The following OPCML variants were observed in gnomAD, a reference collection of about 807,000 sequenced individuals.
OPCML encodes the protein opioid binding protein/cell adhesion molecule like, also known as opioid-binding protein/cell adhesion molecule.
In OPCML, 13 loss-of-function variants were observed where a neutral mutation model predicts 37.8. That is an observed-to-expected ratio of 0.34 (90% CI 0.22 to 0.55). The LOEUF (loss-of-function observed/expected upper bound fraction) is 0.55, where lower values mean the gene tolerates loss of function less well. OPCML is among the 20% of genes least tolerant of loss of function. The pLI, the probability that OPCML is intolerant of heterozygous loss-of-function variation, is 0.91. For synonymous variants in OPCML, 176 were observed against 168.8 expected, an observed-to-expected ratio of 1.04 and a Z score of -0.33; for missense variants, 341 against 435.6, an observed-to-expected ratio of 0.78 and a Z score of 1.93.
At chr11:132,900,904 T>C (rs914623661) in intron 2 of OPCML, among the ~76,000 whole-genome samples, 10 of 152,214 alleles carry the variant, frequency 6.6e-5, no homozygotes, top group South Asian at 2.1e-4. Flanking sequence ...TTAAAGTCTA[T>C]CTCCGGGGCC....
intron 1 of OPCML, among the ~76,000 whole-genome samples, chr11:133,456,780 CAA>C (rs34351764): frequency 3.3e-5 from 4 of 122,248 alleles, no homozygotes; most frequent in Admixed American, 1.7e-4. Context: ...CCAATCAGAC[CAA>C]AAAAAAAAAA....
chr11:132,820,519 T>C (rs187238164), intron 2 of OPCML, among the ~76,000 whole-genome samples: 18 of 152,298 alleles, frequency 1.2e-4, no homozygotes, highest in Non-Finnish European at 2.2e-4. Context: ...TGTGTGTGTG[T>C]GTGTGTATTC....
chr11:132,963,597 A>G (rs986856546), intron 1 of OPCML, among the ~76,000 whole-genome samples: 4 of 151,828 alleles, frequency 2.6e-5, no homozygotes, highest in African/African-American at 9.7e-5. Flanking sequence ...TCTCAAAAAA[A>G]AAAAAAAAAA....
At chr11:132,922,506 C>A (rs1944841176) in intron 2 of OPCML, among the ~76,000 whole-genome samples, 1 of 151,952 alleles carries the variant, frequency 6.6e-6, no homozygotes, top group Non-Finnish European at 1.5e-5. Context: ...ACCAGGAGAC[C>A]CCGAGGAAAG....
At chr11:132,837,538 G>A (rs1428925210) in intron 2 of OPCML, among the ~76,000 whole-genome samples, 2 of 152,140 alleles carry the variant, frequency 1.3e-5, no homozygotes, top group African/African-American at 2.4e-5. Context: ...CCTGCTCCTC[G>A]AGGAATGCAC....
At chr11:133,385,555 G>A (rs2136793236) in intron 1 of OPCML, among the ~76,000 whole-genome samples, 1 of 152,240 alleles carries the variant, frequency 6.6e-6, no homozygotes, top group Non-Finnish European at 1.5e-5. Context: ...GGGAGGACGG[G>A]AACACTTAGG....
chr11:133,214,501 G>A (rs571343019), intron 1 of OPCML, among the ~76,000 whole-genome samples: 1 of 152,136 alleles, frequency 6.6e-6, no homozygotes, highest in Admixed American at 6.5e-5. Context: ...TTGAAAAAAA[G>A]GCGAACTGTT....
chr11:133,266,426 T>A (rs924434753), intron 1 of OPCML, among the ~76,000 whole-genome samples: 1 of 152,134 alleles, frequency 6.6e-6, no homozygotes, highest in African/African-American at 2.4e-5. Context: ...CTCAAGGATC[T>A]CCCCCTGGTC....
intron 1 of OPCML, among the ~76,000 whole-genome samples, chr11:133,487,798 T>C (rs1299832356): frequency 6.6e-6 from 1 of 151,622 alleles, no homozygotes; most frequent in Non-Finnish European, 1.5e-5. Flanking sequence ...TGTGTGTGTG[T>C]GTGTGCGTGT....
chr11:132,673,424 G>A (rs943573546), intron 2 of OPCML, among the ~76,000 whole-genome samples: 1 of 152,102 alleles, frequency 6.6e-6, no homozygotes, highest in East Asian at 1.9e-4. Context: ...AAACGCAAGG[G>A]AGAAACCAAG....
At chr11:132,447,066 A>G (rs934263863) in intron 4 of OPCML, among the ~76,000 whole-genome samples, 20 of 152,228 alleles carry the variant, frequency 1.3e-4, no homozygotes, top group African/African-American at 7.2e-5. Flanking sequence ...GCAGATGGGC[A>G]GTATACAAAA....
intron 2 of OPCML, among the ~76,000 whole-genome samples, chr11:132,664,021 AG>A (rs1215974799): frequency 6.6e-6 from 1 of 151,946 alleles, no homozygotes; most frequent in Non-Finnish European, 1.5e-5. Context: ...TTTAGTAGAG[AG>A]GGGGTTTCAC....
intron 1 of OPCML, among the ~76,000 whole-genome samples, chr11:132,980,160 T>C (rs7101624): frequency 0.57 from 86,666 of 151,972 alleles, 24,810 homozygotes; most frequent in Admixed American, 0.65. Context: ...GAAGATGAGA[T>C]GGATGCTGAA....
At chr11:132,721,732 T>C (rs577661233) in intron 2 of OPCML, among the ~76,000 whole-genome samples, 107 of 152,070 alleles carry the variant, frequency 7.0e-4, no homozygotes, top group African/African-American at 2.4e-3. Flanking sequence ...AGTGGTGGGG[T>C]AGAAACCGGA....
chr11:132,894,141 G>A (rs1565943318), intron 2 of OPCML, among the ~76,000 whole-genome samples: 3 of 152,000 alleles, frequency 2.0e-5, no homozygotes, highest in Admixed American at 2.0e-4. Context: ...TTTAAGTCTG[G>A]TCTCATCCTT....
intron 1 of OPCML, among the ~76,000 whole-genome samples, chr11:133,290,539 C>T (rs1209904363): frequency 6.6e-6 from 1 of 152,186 alleles, no homozygotes; most frequent in Non-Finnish European, 1.5e-5. Context: ...AGTCCAGGTC[C>T]CTGGGTGCAT....
At chr11:133,166,177 A>G (rs1051687586) in intron 1 of OPCML, among the ~76,000 whole-genome samples, 8 of 152,200 alleles carry the variant, frequency 5.3e-5, no homozygotes, top group African/African-American at 1.4e-4. Flanking sequence ...ACATTAAGGA[A>G]TGACCAATGC....
intron 1 of OPCML, among the ~76,000 whole-genome samples, chr11:133,029,721 G>T (rs955164775): frequency 1.4e-4 from 22 of 152,042 alleles, no homozygotes; most frequent in African/African-American, 4.8e-4. Flanking sequence ...GTTTCAAAAA[G>T]TGTGAGGGGC....
chr11:132,957,476 A>T (rs923069751), intron 1 of OPCML, among the ~76,000 whole-genome samples: 1 of 152,244 alleles, frequency 6.6e-6, no homozygotes, highest in African/African-American at 2.4e-5. Context: ...AGAGATAAAT[A>T]AATGTATATA....
Sources: gnomAD v4.1 joint callset for allele counts (sites outside exome capture counted in the v4.1 genomes callset) on GRCh38, gnomAD v4.1.1 for gene constraint, MANE v1.5 for transcripts, NCBI Gene and HGNC (gene_info 2026-07-23, HGNC 2026-07-21) for gene names.